Variants in CATSPERE observed in about 807,000 individuals in gnomAD.
CATSPERE encodes cation channel sperm-associated auxiliary subunit epsilon.
A neutral mutation model predicts 114.1 loss-of-function variants in CATSPERE; 93 were observed. The observed-to-expected ratio is 0.81, with a 90% CI of 0.69 to 0.97. The LOEUF (loss-of-function observed/expected upper bound fraction) is 0.97, where lower values mean the gene tolerates loss of function less well. CATSPERE is among the 50% of genes least tolerant of loss of function. CATSPERE has a pLI of 0.00. For synonymous variants in CATSPERE, 341 were observed against 384.1 expected (o/e 0.89, Z 1.31); for missense variants, 1,058 against 1,131.6 (o/e 0.93, Z 0.93).
chr1:244,605,985 G>A (rs906157147), intron 18 of CATSPERE, among the ~76,000 whole-genome samples, 191 bp downstream of exon 18: 1 of 152,114 alleles, frequency 6.6e-6, no homozygotes, highest in African/African-American at 2.4e-5. Flanking sequence ...ACATAAGACA[G>A]ACATAAAGGG....
chr1:244,583,306 A>T (rs1433210167), intron 12 of CATSPERE, among the ~76,000 whole-genome samples: 1 of 152,146 alleles, frequency 6.6e-6, no homozygotes, highest in African/African-American at 2.4e-5. Context: ...TTTTGCCTGA[A>T]CACAAAATGA....
At chr1:244,527,165 TCA>T (rs1385934409) in intron 8 of CATSPERE, among the ~76,000 whole-genome samples, 2 of 152,130 alleles carry the variant, frequency 1.3e-5, no homozygotes, top group African/African-American at 4.8e-5. Context: ...ACCAGTCTGA[TCA>T]AAATTTATTA....
intron 17 of CATSPERE, among the ~76,000 whole-genome samples, chr1:244,601,736 T>A (rs1669247110): frequency 6.6e-6 from 1 of 152,096 alleles, no homozygotes; most frequent in Non-Finnish European, 1.5e-5. Context: ...GCGGATCACT[T>A]GAGGTCAGGA....
intron 9 of CATSPERE, among the ~76,000 whole-genome samples, chr1:244,555,814 A>G (rs6681848): frequency 0.13 from 20,178 of 152,112 alleles, 2,401 homozygotes; most frequent in African/African-American, 0.32. Flanking sequence ...AAATCAAGAA[A>G]GCACTCCTAT....
intron 21 of CATSPERE, 72 bp downstream of exon 21, chr1:244,635,614 G>A (rs955304324): frequency 8.5e-7 from 1 of 1,182,946 alleles, no homozygotes; most frequent in African/African-American, 1.5e-5. Flanking sequence ...AGAAGGAAAA[G>A]CACCTCTCCC....
intron 7 of CATSPERE, 71 bp downstream of exon 7, chr1:244,499,150 A>T: frequency 8.7e-7 from 1 of 1,147,586 alleles, no homozygotes; most frequent in Non-Finnish European, 1.3e-6. Flanking sequence ...ACTGTGAAAA[A>T]TTTATAATCA....
chr1:244,451,893 G>A (rs1035426984), upstream of CATSPERE: 11 of 1,373,582 alleles, frequency 8.0e-6, no homozygotes, highest in Non-Finnish European at 9.5e-6. The surrounding 1 kb of genome is among the most constrained non-coding windows in gnomAD (Gnocchi z 6.6). Context: ...CTCTGCGGCC[G>A]CCAGCCACAT....
At chr1:244,548,297 A>G (rs3003229) in intron 8 of CATSPERE, among the ~76,000 whole-genome samples, 151,210 of 152,350 alleles carry the variant, frequency 0.99, 75,049 homozygotes, top group Middle Eastern at 1. Context: ...GAGGTTATTC[A>G]TGGGCTCAGC....
In CATSPERE at chr1:244,494,891, G is replaced by A. The variant is rs1046550921; in HGVS notation, c.352-4111G>A. On this transcript the variant is annotated intron_variant, in intron 6 of 21. Coordinates refer to ENST00000366534, the MANE Select transcript of CATSPERE (RefSeq NM_001130957.2). ...CTACTCCAAATCCCATTGATATTAC[G>A]GAATTATTTTTTGAGGCTACAACTA... is the stretch of plus-strand genomic sequence containing the variant. Among the ~76,000 whole-genome samples the A allele has an allele frequency of 4.6e-5, 7 of 152,110 alleles. No individual in the cohort carries two copies. The East Asian group carries it at 9.6e-4, about 21-fold the overall frequency.
Position 244,617,540 on chromosome 1 carries a change from C to T in CATSPERE, c.2502C>T (p.His834=), listed in dbSNP as rs1558602431. Residue 834 remains histidine, a synonymous_variant, in exon 20 of 22, where the codon CAC becomes CAT. Coordinates refer to ENST00000366534, the MANE Select transcript of CATSPERE (RefSeq NM_001130957.2). Reference sequence around the variant, plus strand: ...TGTTTCTTGTTCAGAACTATAAACACTGTTTTTCTTATGCTATTGGAAAAC... The same window carrying T: ...TGTTTCTTGTTCAGAACTATAAACATTGTTTTTCTTATGCTATTGGAAAAC... ...EEVWGPENYK[H]CFSYAIGKPG... 2.6e-6 allele frequency: 4 copies of T among 1,518,032 alleles called. No homozygotes were observed. Among genetic ancestry groups the T allele is most frequent in the African/African-American group, 1.4e-5 (1 of 70,444 alleles). The allele number at this position is 1,518,032 out of a possible 1,614,324, so 94.0% of individuals were successfully genotyped here.
intron 10 of CATSPERE, among the ~76,000 whole-genome samples, chr1:244,567,920 A>T (rs894503182): frequency 5.3e-5 from 8 of 151,938 alleles, no homozygotes; most frequent in African/African-American, 1.9e-4. Flanking sequence ...GGGAAGAGGC[A>T]TTCTGGTTTT....
chr1:244,555,570 G>A (rs1410783032), intron 9 of CATSPERE, among the ~76,000 whole-genome samples: 2 of 152,070 alleles, frequency 1.3e-5, no homozygotes, highest in Non-Finnish European at 2.9e-5. Flanking sequence ...CTTAGTACTG[G>A]AGGTCCTAGC....
upstream of CATSPERE, among the ~76,000 whole-genome samples, chr1:244,459,940 G>C (rs771880360): frequency 6.6e-6 from 1 of 152,148 alleles, no homozygotes; most frequent in Non-Finnish European, 1.5e-5. Flanking sequence ...TACCTCCCCT[G>C]TCAGCAGGAA....
At chr1:244,455,605 T>C (rs1355884101) in intron 1 of CATSPERE, among the ~76,000 whole-genome samples, 5 of 152,088 alleles carry the variant, frequency 3.3e-5, no homozygotes, top group African/African-American at 1.2e-4. Context: ...TGTTTCTCTC[T>C]TCTTGGATCT....
At chr1:244,553,618 C>CACACACACACATATATACAT (rs1661077695) in intron 9 of CATSPERE, among the ~76,000 whole-genome samples, 14 of 133,462 alleles carry the variant, frequency 1.0e-4, no homozygotes, top group African/African-American at 4.1e-4. Flanking sequence ...CACACACACA[C>CACACACACACATATATACAT]ACACACACAC....
chr1:244,474,629 A>G (rs925286107), intron 2 of CATSPERE, among the ~76,000 whole-genome samples: 6 of 151,560 alleles, frequency 4.0e-5, no homozygotes, highest in African/African-American at 1.5e-4. Flanking sequence ...TTTCCTCTTC[A>G]GGATCTCTGG....
chr1:244,605,771 A>G lies in CATSPERE; in HGVS notation c.2380A>G (p.Ser794Gly), dbSNP rs767971990. Residue 794 changes from serine (S) to glycine (G), a missense_variant, in exon 18 of 22, where the codon AGC becomes GGC. Physicochemically the swap from Ser to Gly is moderately conservative, Grantham distance 56. Around this residue, in one of 2 missense-constraint regions of CATSPERE, gnomAD observed 787 missense variants for 905.6 expected, o/e 0.87. Coordinates refer to ENST00000366534, the MANE Select transcript of CATSPERE (RefSeq NM_001130957.2). ...GGAAATACACGGCAGGGATGACTAT[A>G]GCTTTAATAATACTATGGCACAGGT... ...VWEIHGRDDY[S>G]FNNTMAQSGC... 6.2e-7 allele frequency: 1 copy of G among 1,613,022 alleles called. No individual in the cohort carries two copies. Among genetic ancestry groups the G allele is most frequent in the South Asian group, 1.1e-5 (1 of 90,978 alleles).
intron 4 of CATSPERE, 30 bp from the exon 5 acceptor site, chr1:244,479,687 T>C (rs1256980137): frequency 2.1e-6 from 3 of 1,401,488 alleles, no homozygotes; most frequent in Admixed American, 3.5e-5. Flanking sequence ...AATGTTAATA[T>C]ATCACAGTTT....
intron 8 of CATSPERE, among the ~76,000 whole-genome samples, chr1:244,538,978 C>A (rs949066723): frequency 6.6e-6 from 1 of 152,106 alleles, no homozygotes; most frequent in Admixed American, 6.6e-5. Flanking sequence ...ACAAGAAACA[C>A]GATCCATAGG....
Sources: allele counts gnomAD v4.1 joint callset (sites outside exome capture counted in the v4.1 genomes callset), GRCh38; gene constraint gnomAD v4.1.1; regional missense constraint gnomAD v4.1.1; non-coding constraint Gnocchi (gnomAD v3.1); transcripts MANE v1.5; gene names NCBI Gene and HGNC (gene_info 2026-07-23, HGNC 2026-07-21).